The following SLC39A10 variants were observed in gnomAD, a reference collection of about 807,000 sequenced individuals.
The protein encoded by SLC39A10 is zinc transporter ZIP10.
SLC39A10 carries 13 observed loss-of-function variants against 65.1 expected under a neutral mutation model. That is an observed-to-expected ratio of 0.20 (90% CI 0.13 to 0.32). The LOEUF (loss-of-function observed/expected upper bound fraction) is 0.32, where lower values mean the gene tolerates loss of function less well. SLC39A10 is among the 10% of genes least tolerant of loss of function. SLC39A10 has a pLI of 1.00. For missense variants in SLC39A10, 831 were observed against 1,018.4 expected, an observed-to-expected ratio of 0.82 and a Z score of 2.50; for synonymous variants, 321 against 342.2, an observed-to-expected ratio of 0.94 and a Z score of 0.68.
chr2:195,701,432 A>ATTTT (rs1559040715), intron 3 of SLC39A10, among the ~76,000 whole-genome samples: 1 of 12,518 alleles, frequency 8.0e-5, no homozygotes, highest in African/African-American at 3.3e-4. Flanking sequence ...AGTTTCTGTG[A>ATTTT]TTCTTTTTTT....
chr2:195,616,928 T>C (rs1688228177), intron 2 of SLC39A10, among the ~76,000 whole-genome samples: 1 of 152,196 alleles, frequency 6.6e-6, no homozygotes, highest in Non-Finnish European at 1.5e-5. Context: ...TAAAGAGCCA[T>C]TGATGTTTTC....
At chr2:195,709,611 A>G (rs553438950) in intron 5 of SLC39A10, among the ~76,000 whole-genome samples, 20 of 152,088 alleles carry the variant, frequency 1.3e-4, no homozygotes, top group Non-Finnish European at 2.5e-4. Context: ...CCTGGGTTCA[A>G]GTGATCCTCT....
At chr2:195,660,555 T>C (rs1164358976) in intron 1 of SLC39A10, among the ~76,000 whole-genome samples, 2 of 152,236 alleles carry the variant, frequency 1.3e-5, no homozygotes, top group African/African-American at 2.4e-5. Flanking sequence ...TACTTACTGC[T>C]GTAAATCTGG....
At chr2:195,623,233 T>A (rs1027951114) in intron 2 of SLC39A10, among the ~76,000 whole-genome samples, 1 of 152,180 alleles carries the variant, frequency 6.6e-6, no homozygotes, top group African/African-American at 2.4e-5. Flanking sequence ...TCCATTGTAT[T>A]CAAGGTTGCC....
At chr2:195,726,249 G>C (rs1239028962) in intron 8 of SLC39A10, among the ~76,000 whole-genome samples, 2 of 152,120 alleles carry the variant, frequency 1.3e-5, no homozygotes, top group Non-Finnish European at 2.9e-5. Flanking sequence ...ATTAAATAAT[G>C]CTCATTTTTA....
upstream of SLC39A10, among the ~76,000 whole-genome samples, chr2:195,655,947 A>G (rs1249156299): frequency 1.5e-4 from 23 of 152,282 alleles, no homozygotes; most frequent in Non-Finnish European, 2.9e-4. Flanking sequence ...GTCCATACTG[A>G]ATGGGTTTGG....
chr2:195,714,451 C>G (rs1170907948), intron 6 of SLC39A10, among the ~76,000 whole-genome samples: 1 of 151,932 alleles, frequency 6.6e-6, no homozygotes, highest in East Asian at 1.9e-4. Flanking sequence ...ATATATGATC[C>G]AAGGCTCAGA....
chr2:195,622,470 T>A (rs910511894), intron 2 of SLC39A10, among the ~76,000 whole-genome samples: 2 of 152,220 alleles, frequency 1.3e-5, no homozygotes, highest in African/African-American at 4.8e-5. Flanking sequence ...CGGAAGTGTT[T>A]TTTGGGTTAA....
At chr2:195,668,793 G>A (rs766932808) in intron 1 of SLC39A10, among the ~76,000 whole-genome samples, 6 of 152,132 alleles carry the variant, frequency 3.9e-5, no homozygotes, top group East Asian at 1.9e-4. Flanking sequence ...TGATCGGGCC[G>A]GGTACTGTCG....
At chr2:195,626,386 G>C (rs149921369) in intron 2 of SLC39A10, among the ~76,000 whole-genome samples, 123 of 152,244 alleles carry the variant, frequency 8.1e-4, no homozygotes, top group African/African-American at 2.9e-3. Context: ...GATTCAGATT[G>C]TCAGACCCTG....
At chr2:195,632,671 T>A (rs190626838) in intron 2 of SLC39A10, among the ~76,000 whole-genome samples, 1 of 152,328 alleles carries the variant, frequency 6.6e-6, no homozygotes, top group Non-Finnish European at 1.5e-5. Context: ...CATGGTTTCA[T>A]CCATTTCTCT....
At chr2:195,694,614 G>T (rs10205281) in intron 3 of SLC39A10, among the ~76,000 whole-genome samples, 80,253 of 151,990 alleles carry the variant, frequency 0.53, 21,733 homozygotes, top group Non-Finnish European at 0.6. Context: ...CTTCAGGTCT[G>T]TCAGCTGTGG....
Position 195,736,355 on chromosome 2 carries a change from GCTTT to G in SLC39A10, c.*1317_*1320del, listed in dbSNP as rs1216528156. 1 of 166,362 alleles carries G rather than the reference GCTTT, an allele frequency of 6.0e-6. No homozygotes were observed. Among genetic ancestry groups the G allele is most frequent in the Non-Finnish European group, 1.5e-5 (1 of 68,096 alleles). 10.3% of individuals were successfully genotyped at this position (166,362 alleles called of 1,614,324 possible). On this transcript the variant is annotated 3_prime_UTR_variant, in exon 10 of 10. Coordinates refer to ENST00000359634, the MANE Select transcript of SLC39A10 (RefSeq NM_020342.3). ...TTGTATTACTAGTCATATGCATGTA[GCTTT>G]CTGTTTACATCCTATGCCACATGGT... is the stretch of plus-strand genomic sequence containing the variant.
intron 2 of SLC39A10, among the ~76,000 whole-genome samples, chr2:195,626,832 G>T (rs1297202168): frequency 2.0e-5 from 3 of 152,108 alleles, no homozygotes; most frequent in Admixed American, 6.6e-5. Flanking sequence ...TTCTCCAAAA[G>T]ACATGATTTT....
intron 1 of SLC39A10, among the ~76,000 whole-genome samples, chr2:195,670,172 A>G (rs1431057865): frequency 6.6e-6 from 1 of 152,148 alleles, no homozygotes; most frequent in Non-Finnish European, 1.5e-5. Flanking sequence ...AATAAAATAA[A>G]AAAGTTTTTT....
chr2:195,729,441 CCTTG>C (rs1274534930), intron 9 of SLC39A10, among the ~76,000 whole-genome samples: 2 of 152,152 alleles, frequency 1.3e-5, no homozygotes, highest in Non-Finnish European at 2.9e-5. Context: ...CAGCTGATAA[CCTTG>C]CTTCTGATTT....
At chr2:195,616,589 G>A (rs997389946) in intron 2 of SLC39A10, among the ~76,000 whole-genome samples, 1 of 151,798 alleles carries the variant, frequency 6.6e-6, no homozygotes, top group Non-Finnish European at 1.5e-5. Context: ...ACAGGCATGA[G>A]CCACCGCGCC....
intron 2 of SLC39A10, among the ~76,000 whole-genome samples, chr2:195,633,243 CA>C (rs1292563603): frequency 6.6e-6 from 1 of 152,240 alleles, no homozygotes; most frequent in Non-Finnish European, 1.5e-5. Context: ...GTGGTAGCAG[CA>C]AACTCCACTC....
In SLC39A10 at chr2:195,701,044, C is replaced by T. The variant is rs933426358; in HGVS notation, c.1217-5572C>T. Among the ~76,000 whole-genome samples, 6 of 112,566 alleles carry T rather than the reference C, an allele frequency of 5.3e-5. No homozygotes were observed. The Admixed American group carries it at 7.9e-4, about 15-fold the overall frequency. 73.8% of individuals were successfully genotyped at this position (112,566 alleles called of 152,430 possible). On this transcript the variant is annotated intron_variant, in intron 3 of 9. Transcript: ENST00000359634. ...CACCCCTCCCCTTCATCTTACTTGA[C>T]TTCTACAGTGTATATGGATGTTGGT...
Sources: allele counts gnomAD v4.1 joint callset (sites outside exome capture counted in the v4.1 genomes callset), GRCh38; gene constraint gnomAD v4.1.1; transcripts MANE v1.5; gene names NCBI Gene and HGNC (gene_info 2026-07-23, HGNC 2026-07-21).